Variants in KCNMA1 observed in about 807,000 individuals in gnomAD.
KCNMA1 encodes the protein Calcium-activated potassium channel subunit alpha-1.
In KCNMA1, 29 loss-of-function variants were observed where a neutral mutation model predicts 140.0. The ratio of observed to expected loss-of-function variants is 0.21; its 90% CI spans 0.15 to 0.28. The LOEUF is 0.28. KCNMA1 is among the 10% of genes least tolerant of loss of function. The pLI is 1.00. For missense variants in KCNMA1, 880 were observed against 1,602.2 expected (o/e 0.55, Z 7.70); for synonymous variants, 612 against 611.9 (o/e 1.00, Z 0.00).
At chr10:77,236,212 C>T (rs1259304253) in intron 3 of KCNMA1, among the ~76,000 whole-genome samples, 2 of 152,168 alleles carry the variant, frequency 1.3e-5, no homozygotes, top group Non-Finnish European at 2.9e-5. Flanking sequence ...GGAGGTAACA[C>T]GATCCATGAC....
intron 5 of KCNMA1, among the ~76,000 whole-genome samples, chr10:77,151,617 A>G (rs574857336): frequency 4.6e-5 from 7 of 152,322 alleles, no homozygotes; most frequent in Admixed American, 2.6e-4. Context: ...CTTCTTATGC[A>G]TGCCACAGAC....
intron 5 of KCNMA1, among the ~76,000 whole-genome samples, chr10:77,123,455 C>T (rs1486696956): frequency 6.6e-6 from 1 of 152,176 alleles, no homozygotes; most frequent in Non-Finnish European, 1.5e-5. Flanking sequence ...TTATAACAGA[C>T]TCTACTGCTG....
At chr10:77,207,513 G>A (rs1315697255) in intron 3 of KCNMA1, among the ~76,000 whole-genome samples, 1 of 152,164 alleles carries the variant, frequency 6.6e-6, no homozygotes, top group Non-Finnish European at 1.5e-5. Context: ...CACCTAGTAA[G>A]TACTCAATAA....
At chr10:76,969,920 G>T in intron 20 of KCNMA1, 54 bp downstream of exon 20, 1 of 1,393,436 alleles carries the variant, frequency 7.2e-7, no homozygotes, top group Non-Finnish European at 1.0e-6. Flanking sequence ...GAGGGCGAGG[G>T]GAGGAAGAGA....
intron 3 of KCNMA1, among the ~76,000 whole-genome samples, chr10:77,200,591 G>A (rs1390556268): frequency 4.0e-5 from 6 of 151,660 alleles, no homozygotes; most frequent in Non-Finnish European, 7.4e-5. Context: ...CATGTCTATT[G>A]CAGGAATCTG....
At chr10:77,462,570 C>T (rs1566977540) in intron 1 of KCNMA1, among the ~76,000 whole-genome samples, 1 of 152,228 alleles carries the variant, frequency 6.6e-6, no homozygotes, top group Admixed American at 6.5e-5. Flanking sequence ...CACCCTCACA[C>T]ATGCACTTAC....
intron 2 of KCNMA1, among the ~76,000 whole-genome samples, chr10:77,365,014 G>A (rs752824047): frequency 2.2e-4 from 33 of 152,174 alleles, no homozygotes; most frequent in African/African-American, 6.8e-4. Flanking sequence ...AGGAAACAAG[G>A]GGGAAAAGCT....
intron 1 of KCNMA1, chr10:77,498,644 G>A (rs890873980): frequency 6.6e-6 from 1 of 152,186 alleles, no homozygotes; most frequent in African/African-American, 2.4e-5. Flanking sequence ...TGCAAGATCC[G>A]AGAGTAGCAT....
intron 20 of KCNMA1, among the ~76,000 whole-genome samples, chr10:76,956,726 T>A (rs1406976065): frequency 6.6e-6 from 1 of 152,134 alleles, no homozygotes; most frequent in East Asian, 1.9e-4. Flanking sequence ...TACAGTACCT[T>A]GTGGCAAGTG....
chr10:77,281,391 T>G (rs1208630867), intron 2 of KCNMA1, among the ~76,000 whole-genome samples: 1 of 152,226 alleles, frequency 6.6e-6, no homozygotes, highest in African/African-American at 2.4e-5. Context: ...TTGTACCTTC[T>G]TCAGCTGGGC....
At chr10:77,037,821 C>T (rs936311038) in intron 15 of KCNMA1, among the ~76,000 whole-genome samples, 4 of 152,078 alleles carry the variant, frequency 2.6e-5, no homozygotes, top group African/African-American at 9.7e-5. Flanking sequence ...TGCTTTCCCC[C>T]GGGGCTTTGT....
chr10:76,884,798 AGGGG>A (rs532863322), downstream of KCNMA1: 6 of 727,400 alleles, frequency 8.2e-6, no homozygotes, highest in Non-Finnish European at 1.2e-5. Context: ...GGGAAAGGGG[AGGGG>A]GGGAAAAGCA....
intron 5 of KCNMA1, among the ~76,000 whole-genome samples, chr10:77,138,877 T>C (rs185816851): frequency 2.1e-4 from 32 of 152,290 alleles, no homozygotes; most frequent in Admixed American, 4.6e-4. Context: ...GGTTGGCTAA[T>C]GGAGGTCTTC....
At position 76,916,017 on chromosome 10, in the gene KCNMA1, AACAC is replaced by A. The variant is rs71649417; in HGVS notation, c.2903-972_2903-969del. Among the ~76,000 whole-genome samples the A allele has an allele frequency of 5.3e-3, 778 of 146,244 alleles. 6 individuals carry two copies. The highest frequency in any genetic ancestry group is 0.017 in the African/African-American group (675 of 39,706). On this transcript the variant is annotated intron_variant, in intron 23 of 27. Transcript: ENST00000286628. Reference sequence around the variant, plus strand: ...CCCTATGTGAGATTTTATACACATAAACACACACACACACACACACACACACACA... The same window carrying A: ...CCCTATGTGAGATTTTATACACATAAACACACACACACACACACACACACA...
chr10:77,123,051 G>A (rs1564669921), intron 5 of KCNMA1, among the ~76,000 whole-genome samples: 1 of 151,188 alleles, frequency 6.6e-6, no homozygotes, highest in African/African-American at 2.4e-5. Context: ...GTGGTGGCGG[G>A]CGCCTGTAGT....
chr10:77,220,639 T>A (rs555233116), intron 3 of KCNMA1, among the ~76,000 whole-genome samples: 2 of 152,084 alleles, frequency 1.3e-5, no homozygotes, highest in Non-Finnish European at 2.9e-5. Context: ...GGGGAGGAGA[T>A]TGTTTTAGTA....
intron 3 of KCNMA1, among the ~76,000 whole-genome samples, chr10:77,239,180 A>G (rs1423121307): frequency 2.6e-5 from 4 of 152,204 alleles, no homozygotes; most frequent in African/African-American, 9.7e-5. Context: ...TGCTATTATG[A>G]AGAGGGCAAA....
chr10:77,010,166 C>T (rs1593502219), intron 18 of KCNMA1, among the ~76,000 whole-genome samples: 1 of 152,170 alleles, frequency 6.6e-6, no homozygotes, highest in Admixed American at 6.5e-5. Flanking sequence ...TTCCCAACCC[C>T]TCACTACAAG....
chr10:77,534,646 G>C (rs992164678), intron 1 of KCNMA1, among the ~76,000 whole-genome samples: 3 of 152,136 alleles, frequency 2.0e-5, no homozygotes, highest in Non-Finnish European at 4.4e-5. Context: ...TATACAATAG[G>C]CACAAAAATA....
Sources: allele counts gnomAD v4.1 joint callset (sites outside exome capture counted in the v4.1 genomes callset), GRCh38; gene constraint gnomAD v4.1.1; transcripts MANE v1.5; gene names NCBI Gene and HGNC (gene_info 2026-07-23, HGNC 2026-07-21).